Variants in GPS1 observed in about 807,000 individuals in gnomAD.
GPS1 encodes G protein pathway suppressor 1.
Under a neutral mutation model 60.0 loss-of-function variants are expected in GPS1, and 11 were observed. The observed-to-expected ratio is 0.18, with a 90% confidence interval of 0.12 to 0.30. The LOEUF is 0.30. Among genes scored for constraint, GPS1 ranks in the 10% least tolerant of loss-of-function variants. The pLI, the probability that GPS1 is intolerant of heterozygous loss-of-function variation, is 1.00. For missense variants in GPS1, 543 were observed against 669.2 expected (o/e 0.81, Z 2.08); for synonymous variants, 343 against 269.8 (o/e 1.27, Z -2.66).
chr17:82,057,254 G>C lies in GPS1; in HGVS notation c.*127G>C. The C allele has an allele frequency of 8.1e-7, 1 of 1,241,760 alleles. No homozygotes were observed. Among genetic ancestry groups the C allele is most frequent in the South Asian group, 1.3e-5 (1 of 79,756 alleles). 76.9% of individuals were successfully genotyped at this position (1,241,760 alleles called of 1,614,324 possible). Reference sequence around the variant, plus strand: ...CTGGCCACTGGGTGCCACCCAGCCTGTGTGCCCTCCCTGGGGCTGAGGAGG... The same window carrying C: ...CTGGCCACTGGGTGCCACCCAGCCTCTGTGCCCTCCCTGGGGCTGAGGAGG... On this transcript the variant is annotated 3_prime_UTR_variant, in exon 13 of 13. Transcript: ENST00000578552.
chr17:82,051,508 G>T, upstream of GPS1: 1 of 1,387,110 alleles, frequency 7.2e-7, no homozygotes, highest in South Asian at 1.6e-5. The surrounding 1 kb of genome is among the most constrained non-coding windows in gnomAD (Gnocchi z 4.1). Context: ...ACCTGCTGGC[G>T]GGCCCGGGAG....
chr17:82,053,818 C>T (rs1305484418), intron 2 of GPS1, 50 bp from the exon 3 acceptor site: 2 of 1,554,894 alleles, frequency 1.3e-6, no homozygotes, highest in Non-Finnish European at 1.7e-6. Flanking sequence ...GGCCTGGGGC[C>T]AGGGTCCTGC....
chr17:82,055,996 C>G lies in GPS1; in HGVS notation c.835-5C>G, dbSNP rs775921338. On this transcript the variant is annotated splice_region_variant and splice_polypyrimidine_tract_variant and intron_variant, in intron 7 of 12. Coordinates refer to ENST00000578552, the MANE Select transcript of GPS1 (RefSeq NM_001321092.3). ...TGCCTGTGACGCCAGGTCTCTGCTC[C>G]TCAGCTGCTGTCCCCCAGCAACGTG... 1 of 1,607,724 alleles carries G rather than the reference C, an allele frequency of 6.2e-7. No homozygotes were observed. Among genetic ancestry groups the G allele is most frequent in the Non-Finnish European group, 8.5e-7 (1 of 1,175,602 alleles).
chr17:82,050,951 G>T, upstream of GPS1: 1 of 1,423,982 alleles, frequency 7.0e-7, no homozygotes, highest in Non-Finnish European at 9.2e-7. Context: ...CGAGGCTGAA[G>T]CAGGCGGCCA....
At chr17:82,051,579 G>T, upstream of GPS1, 1 of 1,348,884 alleles carries the variant, frequency 7.4e-7, no homozygotes, top group South Asian at 1.7e-5. This position sits in a 1 kb window ranked among gnomAD's most constrained non-coding sequence, Gnocchi z 4.1. Context: ...GGTCTTGACG[G>T]CGATGAAGAC....
rs1598499284 is a variant in GPS1, at chr17:82,054,236, A to G, written c.308+187A>G. On this transcript the variant is annotated intron_variant, in intron 3 of 12. Coordinates refer to ENST00000578552, the MANE Select transcript of GPS1 (RefSeq NM_001321092.3). ...GTGTGTGTGGCTTCTGTGTGTGTGC[A>G]TGCAGGGCTTTGATTCCAAGGGGAG... is the stretch of plus-strand genomic sequence containing the variant. 1.5e-5 allele frequency: 11 copies of G among 750,582 alleles called. No individual in the cohort carries two copies. In the East Asian group the frequency reaches 3.0e-4, roughly 20 times the overall value. 46.5% of individuals were successfully genotyped at this position (750,582 alleles called of 1,614,324 possible). A position where few individuals can be genotyped will look rare whatever the true frequency, so the allele number is the denominator to read the frequency against.
At chr17:82,052,040 G>C (rs2030781786) in intron 1 of GPS1, 76 bp downstream of exon 1, 2 of 1,061,060 alleles carry the variant, frequency 1.9e-6, no homozygotes. Flanking sequence ...GGTCGAGCAG[G>C]GGCGCGGGGC....
At chr17:82,051,343 C>G, upstream of GPS1, 1 of 1,467,642 alleles carries the variant, frequency 6.8e-7, no homozygotes, top group Non-Finnish European at 8.9e-7. This position sits in a 1 kb window ranked among gnomAD's most constrained non-coding sequence, Gnocchi z 4.1. Flanking sequence ...AGATAAACGT[C>G]TGGGGGAGAA....
In GPS1 at chr17:82,056,006, G is replaced by A. The variant is rs770728097; in HGVS notation, c.840G>A (p.Leu280=). ...SFDHCDFPEL[L]SPSNVAIYGG... The stretch of plus-strand genomic sequence containing the variant: ...GCCAGGTCTCTGCTCCTCAGCTGCT[G>A]TCCCCCAGCAACGTGGCCATCTACG... The change falls in exon 8 of 13, where the codon CTG becomes CTA. Residue 280 remains leucine (L), a synonymous_variant. Coordinates refer to ENST00000578552, the MANE Select transcript of GPS1 (RefSeq NM_001321092.3). The A allele has an allele frequency of 1.9e-6, 3 of 1,611,052 alleles. No individual in the cohort carries two copies. Among genetic ancestry groups the A allele is most frequent in the African/African-American group, 1.3e-5 (1 of 74,890 alleles).
At chr17:82,052,490 G>C (rs778320214) in intron 1 of GPS1, 2 of 1,599,050 alleles carry the variant, frequency 1.3e-6, no homozygotes, top group Non-Finnish European at 1.7e-6. Context: ...CCCCGAGCGA[G>C]GGAGGGGGGA....
chr17:82,052,808 A>C, intron 1 of GPS1: 2 of 339,346 alleles, frequency 5.9e-6, no homozygotes, highest in South Asian at 3.5e-5. Flanking sequence ...CCGTGGCGTG[A>C]CTCTCAGCCC....
upstream of GPS1, chr17:82,051,575 G>C (rs2030595829): frequency 5.9e-6 from 8 of 1,360,242 alleles, no homozygotes; most frequent in Non-Finnish European, 7.6e-6. This position sits in a 1 kb window ranked among gnomAD's most constrained non-coding sequence, Gnocchi z 4.1. Context: ...GGGTGGTCTT[G>C]ACGGCGATGA....
At chr17:82,056,600 T>C (rs2032844922) in intron 10 of GPS1, 29 bp from the exon 11 acceptor site, 1 of 1,612,344 alleles carries the variant, frequency 6.2e-7, no homozygotes, top group Non-Finnish European at 8.5e-7. Flanking sequence ...TGCAGGGGGC[T>C]GTGGAGCTGA....
chr17:82,051,784 C>A (rs1463485440), upstream of GPS1: 63 of 1,116,470 alleles, frequency 5.6e-5, no homozygotes, highest in South Asian at 1.8e-3. The surrounding 1 kb of genome is among the most constrained non-coding windows in gnomAD (Gnocchi z 4.1). Context: ...CCGGGACCCC[C>A]GGCGCTGCGA....
At chr17:82,053,527 C>T (rs1311616412) in intron 2 of GPS1, 161 bp downstream of exon 2, 1 of 548,350 alleles carries the variant, frequency 1.8e-6, no homozygotes, top group Non-Finnish European at 3.1e-6. Flanking sequence ...ATTGCGCACT[C>T]ACATGAGGCT....
At chr17:82,052,551 C>G in intron 1 of GPS1, 1 of 1,449,240 alleles carries the variant, frequency 6.9e-7, no homozygotes, top group Non-Finnish European at 9.3e-7. Flanking sequence ...GCTCTGCTGG[C>G]CGAGGACAGG....
rs751216986 is a variant in GPS1 at position 82,056,370 on chromosome 17, C to T, written c.1014C>T (p.Leu338=). ...KFYESKYASC[L]KMLDEMKDNL... ...ACGAGTCCAAGTACGCCTCATGTCT[C>T]AAGATGCTGGACGAGATGAAGGTGG... The change falls in exon 9 of 13, where the codon CTC becomes CTT. Residue 338 remains leucine (L), a synonymous_variant. Coordinates refer to ENST00000578552, the MANE Select transcript of GPS1 (RefSeq NM_001321092.3). 1.2e-6 allele frequency: 2 copies of T among 1,613,118 alleles called. No individual in the cohort carries two copies. Among genetic ancestry groups the T allele is most frequent in the East Asian group, 4.5e-5 (2 of 44,872 alleles).
chr17:82,053,716 C>T lies in GPS1; in HGVS notation c.127-152C>T, dbSNP rs1381497346. The T allele has an allele frequency of 1.1e-5, 8 of 735,164 alleles. No individual in the cohort carries two copies. In the African/African-American group the frequency reaches 1.3e-4, roughly 11 times the overall value. The allele number at this position is 735,164 out of a possible 1,614,324, so 45.5% of individuals were successfully genotyped here. The stretch of plus-strand genomic sequence containing the variant: ...GCGGTCTTCGTAGCTCCTGGGACAG[C>T]AGTCAGTCTCGTACCCCCATGCCCG... On this transcript the variant is annotated intron_variant, in intron 2 of 12. Coordinates refer to ENST00000578552, the MANE Select transcript of GPS1 (RefSeq NM_001321092.3).
chr17:82,055,707 T>G, intron 6 of GPS1, 33 bp from the exon 7 acceptor site: 110 of 1,038,368 alleles, frequency 1.1e-4, no homozygotes, highest in Non-Finnish European at 1.4e-4. Context: ...TTACCCCCTC[T>G]CCCCCCTCCC....
Sources: gnomAD v4.1 joint callset for allele counts on GRCh38, gnomAD v4.1.1 for gene constraint, Gnocchi (gnomAD v3.1) non-coding constraint, MANE v1.5 for transcripts, NCBI Gene and HGNC (gene_info 2026-07-23, HGNC 2026-07-21) for gene names.